Variants in ROBO2 observed in about 807,000 individuals in gnomAD.
ROBO2 encodes the protein roundabout homolog 2.
A neutral mutation model predicts 160.8 loss-of-function variants in ROBO2; 53 were observed. The ratio of observed to expected loss-of-function variants is 0.33; its 90% CI spans 0.26 to 0.41. The LOEUF (loss-of-function observed/expected upper bound fraction) is 0.41. Ranked by LOEUF, ROBO2 falls within the 10% of genes least tolerant of loss-of-function variation. The pLI is 1.00. For missense variants in ROBO2, 1,577 were observed against 1,722.4 expected, an observed-to-expected ratio of 0.92 and a Z score of 1.49; for synonymous variants, 664 against 611.7, an observed-to-expected ratio of 1.09 and a Z score of -1.26.
At chr3:77,420,268 TA>T (rs1294851296) in intron 2 of ROBO2, among the ~76,000 whole-genome samples, 1 of 147,570 alleles carries the variant, frequency 6.8e-6, no homozygotes, top group Non-Finnish European at 1.5e-5. Context: ...TTTTTTTTTT[TA>T]AATCAAATAA....
chr3:76,627,506 A>G (rs1242407577), intron 2 of ROBO2, among the ~76,000 whole-genome samples: 2 of 152,238 alleles, frequency 1.3e-5, no homozygotes, highest in African/African-American at 4.8e-5. Context: ...GGAATGTCTC[A>G]CATCAACTGT....
At chr3:77,553,069 C>A (rs2092977000) in intron 8 of ROBO2, among the ~76,000 whole-genome samples, 1 of 151,910 alleles carries the variant, frequency 6.6e-6, no homozygotes, top group Non-Finnish European at 1.5e-5. Flanking sequence ...AGGTTTATGG[C>A]AACCCTGGGT....
At chr3:77,614,856 A>G (rs2094733799) in intron 21 of ROBO2, among the ~76,000 whole-genome samples, 1 of 152,174 alleles carries the variant, frequency 6.6e-6, no homozygotes, top group African/African-American at 2.4e-5. Flanking sequence ...TGACCAGCCT[A>G]TCCCTAACTC....
chr3:76,775,441 A>T (rs530600468), intron 2 of ROBO2, among the ~76,000 whole-genome samples: 8 of 151,058 alleles, frequency 5.3e-5, no homozygotes, highest in African/African-American at 1.9e-4. Context: ...AGATATTTAC[A>T]GGATTGACAA....
At chr3:76,436,714 C>G (rs12714440) in intron 2 of ROBO2, among the ~76,000 whole-genome samples, 61,728 of 151,878 alleles carry the variant, frequency 0.41, 13,323 homozygotes, top group East Asian at 0.62. Context: ...TAAGAGAAAT[C>G]CCAGGAAGTT....
intron 2 of ROBO2, among the ~76,000 whole-genome samples, chr3:76,656,276 A>T (rs2091520736): frequency 6.6e-6 from 1 of 152,150 alleles, no homozygotes; most frequent in African/African-American, 2.4e-5. Context: ...TCAATGTCCA[A>T]ATTAGTTAAA....
rs568577902 is a variant in ROBO2, at chr3:77,122,989, G to C, written c.388+24649G>C. Among the ~76,000 whole-genome samples the C allele has an allele frequency of 7.6e-4, 116 of 152,110 alleles. 1 individual carries two copies. Among genetic ancestry groups the C allele is most frequent in the African/African-American group, 2.6e-3 (109 of 41,518 alleles). ...TTTTTCAGGCTGCAAAGAACTGTTTGATCAAAGTCATTACTTTGTTATTAA... is the reference window on the plus strand; with the variant it reads ...TTTTTCAGGCTGCAAAGAACTGTTTCATCAAAGTCATTACTTTGTTATTAA... On this transcript the variant is annotated intron_variant, in intron 2 of 25. Coordinates refer to ENST00000461745, the Ensembl canonical transcript of ROBO2.
intron 2 of ROBO2, among the ~76,000 whole-genome samples, chr3:76,945,095 A>T: frequency 6.6e-6 from 1 of 151,914 alleles, no homozygotes; most frequent in Non-Finnish European, 1.5e-5. Context: ...TCACTGTGTT[A>T]GCCAGGATGG....
intron 2 of ROBO2, among the ~76,000 whole-genome samples, chr3:76,799,061 A>C (rs1305211418): frequency 6.6e-6 from 1 of 152,062 alleles, no homozygotes; most frequent in Admixed American, 6.5e-5. Flanking sequence ...AAAAATACAA[A>C]AAATTAGCTG....
In ROBO2 at chr3:77,263,563, T is replaced by C. The variant is rs2058917907; in HGVS notation, c.388+165223T>C. Among the ~76,000 whole-genome samples the C allele has an allele frequency of 1.3e-5, 2 of 152,226 alleles. 1 individual carries two copies. The highest frequency in any genetic ancestry group is 2.9e-5 in the Non-Finnish European group (2 of 68,032). On this transcript the variant is annotated intron_variant, in intron 2 of 25. Transcript: ENST00000461745. ...TGATAAGAGCCTCCAGCTCCATCCA[T>C]GTCCCTACAAAGGATATAATCGCGT...
chr3:76,151,820 T>A (rs1257102480), intron 2 of ROBO2, among the ~76,000 whole-genome samples: 2 of 152,152 alleles, frequency 1.3e-5, no homozygotes, highest in African/African-American at 4.8e-5. Context: ...TGTATCATCA[T>A]CATCATCATC....
intron 2 of ROBO2, among the ~76,000 whole-genome samples, chr3:76,560,550 T>G (rs978406229): frequency 2.0e-5 from 3 of 151,112 alleles, no homozygotes; most frequent in African/African-American, 7.3e-5. Flanking sequence ...TTTATTATTA[T>G]CATCATTATC....
intron 2 of ROBO2, among the ~76,000 whole-genome samples, chr3:76,010,603 GC>G (rs1358705746): frequency 6.6e-6 from 1 of 152,204 alleles, no homozygotes; most frequent in Non-Finnish European, 1.5e-5. Context: ...ATAACCACCT[GC>G]CTGATTTACT....
chr3:76,012,464 G>T (rs78424736), intron 2 of ROBO2, among the ~76,000 whole-genome samples: 146 of 152,174 alleles, frequency 9.6e-4, no homozygotes, highest in African/African-American at 3.4e-3. Context: ...TATTTGACAG[G>T]TTCAATTTCC....
At chr3:76,759,146 T>A (rs575344416) in intron 2 of ROBO2, among the ~76,000 whole-genome samples, 32 of 151,920 alleles carry the variant, frequency 2.1e-4, no homozygotes, top group Admixed American at 1.6e-3. Flanking sequence ...TATTTTTTCA[T>A]CTTGCAAATA....
chr3:76,808,070 T>C (rs1031248651), intron 2 of ROBO2, among the ~76,000 whole-genome samples: 1 of 152,110 alleles, frequency 6.6e-6, no homozygotes, highest in Non-Finnish European at 1.5e-5. Flanking sequence ...ATCTGAATTA[T>C]AATAAATATA....
At chr3:77,450,744 T>A (rs2153561713) in intron 2 of ROBO2, among the ~76,000 whole-genome samples, 1 of 152,264 alleles carries the variant, frequency 6.6e-6, no homozygotes, top group East Asian at 1.9e-4. Context: ...TCTTGTGTTA[T>A]TCATAAGTCG....
chr3:76,215,741 T>A (rs1309504643), intron 2 of ROBO2, among the ~76,000 whole-genome samples: 2 of 152,066 alleles, frequency 1.3e-5, no homozygotes, highest in Admixed American at 6.6e-5. Flanking sequence ...TCTCTTCAGG[T>A]TATTATCCAG....
intron 2 of ROBO2, among the ~76,000 whole-genome samples, chr3:75,975,440 A>C (rs1052458115): frequency 1.3e-5 from 2 of 151,254 alleles, no homozygotes; most frequent in Non-Finnish European, 3.0e-5. Flanking sequence ...CTCTGTTTAG[A>C]TCAATTTCAT....
Sources: gnomAD v4.1 joint callset for allele counts (sites outside exome capture counted in the v4.1 genomes callset) on GRCh38, gnomAD v4.1.1 for gene constraint, MANE v1.5 for transcripts, NCBI Gene and HGNC (gene_info 2026-07-23, HGNC 2026-07-21) for gene names.